ASB18: variants seen among roughly 807,000 people sequenced by gnomAD.
ASB18 encodes ankyrin repeat and SOCS box protein 18.
A neutral mutation model predicts 33.4 loss-of-function variants in ASB18; 33 were observed. The observed-to-expected ratio is 0.99, with a 90% confidence interval of 0.75 to 1.32. ASB18 has a LOEUF of 1.32. Among genes scored for constraint, ASB18 ranks in the 40% most tolerant of loss-of-function variants. ASB18 has a pLI of 0.00. For synonymous variants in ASB18, 295 were observed against 307.6 expected, an observed-to-expected ratio of 0.96 and a Z score of 0.43; for missense variants, 694 against 655.5, an observed-to-expected ratio of 1.06 and a Z score of -0.64.
Position 236,262,657 on chromosome 2 carries a change from T to TC in ASB18, c.205+1483dup, listed in dbSNP as rs1415977384. On this transcript the variant is annotated intron_variant, in intron 1 of 5. Transcript: ENST00000409749. The surrounding 1 kb of genome is among the most constrained non-coding windows in gnomAD (Gnocchi z 5.2). ...GAATGCAAGATGTACAGCTCAGCAC[T>TC]CCCAGTCCAATCACTGCTTGTGATG... Among the ~76,000 whole-genome samples the TC allele has an allele frequency of 6.6e-6, 1 of 152,050 alleles. No homozygotes were observed. The highest frequency in any genetic ancestry group is 1.5e-5 in the Non-Finnish European group (1 of 68,014).
chr2:236,193,878 C>T lies in ASB18; in HGVS notation c.*994G>A. Among the ~76,000 whole-genome samples the T allele has an allele frequency of 6.6e-6, 1 of 152,102 alleles. No individual in the cohort carries two copies. Among genetic ancestry groups the T allele is most frequent in the East Asian group, 1.9e-4 (1 of 5,198 alleles). ...TCCAGTTCCCACCCACATCCCAAAGCTGAGCAAGTGAGGTGAGCTGTCGTG... is the reference window on the plus strand; with the variant it reads ...TCCAGTTCCCACCCACATCCCAAAGTTGAGCAAGTGAGGTGAGCTGTCGTG... On this transcript the variant is annotated 3_prime_UTR_variant, in exon 6 of 6. Coordinates refer to ENST00000409749, the MANE Select transcript of ASB18 (RefSeq NM_212556.4). This position sits in a 1 kb window ranked among gnomAD's most constrained non-coding sequence, Gnocchi z 5.0.
intron 1 of ASB18, among the ~76,000 whole-genome samples, chr2:236,261,439 C>T (rs551794545): frequency 6.6e-6 from 1 of 152,252 alleles, no homozygotes; most frequent in East Asian, 1.9e-4. Context: ...AGTGGCATAC[C>T]CCAAATGAAC....
At chr2:236,258,955 C>A (rs924402608) in intron 1 of ASB18, among the ~76,000 whole-genome samples, 1 of 152,164 alleles carries the variant, frequency 6.6e-6, no homozygotes, top group African/African-American at 2.4e-5. Context: ...TGCTGACATC[C>A]TTAATAATAG....
chr2:236,223,919 T>C lies in ASB18; in HGVS notation c.597-9053A>G, dbSNP rs530498253. Reference sequence around the variant, plus strand: ...GATATACCACAATTTTAAGCCATTTTCCCATTGATATTGATGGACATTTGC... The same window carrying C: ...GATATACCACAATTTTAAGCCATTTCCCCATTGATATTGATGGACATTTGC... On this transcript the variant is annotated intron_variant, in intron 3 of 5. Transcript: ENST00000409749. This position sits in a 1 kb window ranked among gnomAD's most constrained non-coding sequence, Gnocchi z 4.6. Among the ~76,000 whole-genome samples, 1 of 152,338 alleles carries C rather than the reference T, an allele frequency of 6.6e-6. No homozygotes were observed. Among genetic ancestry groups the C allele is most frequent in the African/African-American group, 2.4e-5 (1 of 41,582 alleles).
chr2:236,224,863 A>AT (rs2060530084), intron 3 of ASB18, among the ~76,000 whole-genome samples: 2 of 152,204 alleles, frequency 1.3e-5, no homozygotes, highest in Non-Finnish European at 1.5e-5. Flanking sequence ...CTGAGATCTC[A>AT]TTCTTCAGTA....
At chr2:236,242,587 T>C (rs2060625927) in intron 1 of ASB18, among the ~76,000 whole-genome samples, 1 of 152,192 alleles carries the variant, frequency 6.6e-6, no homozygotes, top group South Asian at 2.1e-4. Context: ...CCTGTGTAGC[T>C]GAGATTACAG....
chr2:236,197,072 G>GC (rs139016148), intron 4 of ASB18, among the ~76,000 whole-genome samples: 51 of 55,518 alleles, frequency 9.2e-4, no homozygotes, highest in South Asian at 2.8e-3. Flanking sequence ...ATGTATCCCC[G>GC]CCCCCCCCAT....
chr2:236,250,238 G>A lies in ASB18; in HGVS notation c.206-8836C>T, dbSNP rs886566219. On this transcript the variant is annotated intron_variant, in intron 1 of 5. Transcript: ENST00000409749. The surrounding 1 kb of genome is among the most constrained non-coding windows in gnomAD (Gnocchi z 4.1). ...TCCAAGGATTAATCCAGCTGAGGCT[G>A]AAACCTGGAGCTGGTGGGCTTTGTG... is the stretch of plus-strand genomic sequence containing the variant. 6.6e-6 allele frequency: 1 copy of A among 152,242 alleles called. No homozygotes were observed. Among genetic ancestry groups the A allele is most frequent in the Admixed American group, 6.5e-5 (1 of 15,286 alleles). The allele number at this position is 152,242 out of a possible 1,614,324, so 9.4% of individuals were successfully genotyped here. A position where few individuals can be genotyped will look rare whatever the true frequency, so the allele number is the denominator to read the frequency against.
At position 236,239,488 on chromosome 2, in the gene ASB18, G is replaced by A. The variant is rs1027211240; in HGVS notation, c.329-1532C>T. Reference sequence around the variant, plus strand: ...CTGGTCCCAGTTCTGCCACCAGGAGGGACGTGAATTAAGGCTCAGGAAGCC... The same window carrying A: ...CTGGTCCCAGTTCTGCCACCAGGAGAGACGTGAATTAAGGCTCAGGAAGCC... On this transcript the variant is annotated intron_variant, in intron 2 of 5. Transcript: ENST00000409749. This position sits in a 1 kb window ranked among gnomAD's most constrained non-coding sequence, Gnocchi z 5.6. Among the ~76,000 whole-genome samples, 4 of 149,010 alleles carry A rather than the reference G, an allele frequency of 2.7e-5. No individual in the cohort carries two copies. The highest frequency in any genetic ancestry group is 2.7e-4 in the Admixed American group (4 of 14,940).
At position 236,244,122 on chromosome 2, in the gene ASB18, G is replaced by A. The variant is rs971040004; in HGVS notation, c.206-2720C>T. Among the ~76,000 whole-genome samples, 12 of 152,164 alleles carry A rather than the reference G, an allele frequency of 7.9e-5. No homozygotes were observed. The highest frequency in any genetic ancestry group is 2.1e-4 in the South Asian group (1 of 4,826). On this transcript the variant is annotated intron_variant, in intron 1 of 5. Coordinates refer to ENST00000409749, the MANE Select transcript of ASB18 (RefSeq NM_212556.4). The surrounding 1 kb of genome is among the most constrained non-coding windows in gnomAD (Gnocchi z 6.1). ...ATTACAGGTGTGAGCCACCGTGCCC[G>A]GCCTGTTTTTCTTTCTTTCTTTCAA...
chr2:236,218,118 C>T (rs535532377), intron 3 of ASB18, among the ~76,000 whole-genome samples: 5 of 152,188 alleles, frequency 3.3e-5, no homozygotes, highest in Non-Finnish European at 7.3e-5. Flanking sequence ...GGCTTTTCCA[C>T]GTGCACAGCC....
Position 236,217,628 on chromosome 2 carries a change from C to T in ASB18, c.597-2762G>A, listed in dbSNP as rs1382765801. On this transcript the variant is annotated intron_variant, in intron 3 of 5. Coordinates refer to ENST00000409749, the MANE Select transcript of ASB18 (RefSeq NM_212556.4). The surrounding 1 kb of genome is among the most constrained non-coding windows in gnomAD (Gnocchi z 5.2). Reference sequence around the variant, plus strand: ...CTACTATATTAACCTAACTGGGGCTCTGAACAAGATCATCCATTGAGGGTT... The same window carrying T: ...CTACTATATTAACCTAACTGGGGCTTTGAACAAGATCATCCATTGAGGGTT... Among the ~76,000 whole-genome samples, 1 of 152,170 alleles carries T rather than the reference C, an allele frequency of 6.6e-6. No homozygotes were observed. Among genetic ancestry groups the T allele is most frequent in the Non-Finnish European group, 1.5e-5 (1 of 68,032 alleles).
intron 3 of ASB18, among the ~76,000 whole-genome samples, chr2:236,233,889 G>A (rs1226494249): frequency 6.6e-6 from 1 of 152,182 alleles, no homozygotes; most frequent in Non-Finnish European, 1.5e-5. Flanking sequence ...AGAAATGGAT[G>A]AACTGAATCT....
intron 4 of ASB18, among the ~76,000 whole-genome samples, chr2:236,198,261 C>G (rs1365040574): frequency 6.6e-6 from 1 of 152,108 alleles, no homozygotes; most frequent in Non-Finnish European, 1.5e-5. Context: ...TGTGTTTAGA[C>G]AGAAAATTAA....
chr2:236,203,322 A>G lies in ASB18; in HGVS notation c.1102-6937T>C, dbSNP rs1056590528. Among the ~76,000 whole-genome samples the G allele has an allele frequency of 1.3e-5, 2 of 152,182 alleles. No individual in the cohort carries two copies. Among genetic ancestry groups the G allele is most frequent in the Admixed American group, 6.5e-5 (1 of 15,278 alleles). ...GAGCAGGAGTTAGCAGGGGGAAAAA[A>G]AGGCATGGAGAGTTCTGGGGACAAG... On this transcript the variant is annotated intron_variant, in intron 4 of 5. Coordinates refer to ENST00000409749, the MANE Select transcript of ASB18 (RefSeq NM_212556.4). The surrounding 1 kb of genome is among the most constrained non-coding windows in gnomAD (Gnocchi z 6.0).
Position 236,194,286 on chromosome 2 carries a change from G to A in ASB18, c.*586C>T, listed in dbSNP as rs1447326067. Among the ~76,000 whole-genome samples the A allele has an allele frequency of 6.6e-6, 1 of 152,088 alleles. No homozygotes were observed. The highest frequency in any genetic ancestry group is 1.9e-4 in the East Asian group (1 of 5,184). ...TATTCCTTGATCTAACCCACCAGCA[G>A]GACAACCACCATCACATACTGATTC... On this transcript the variant is annotated 3_prime_UTR_variant, in exon 6 of 6. Coordinates refer to ENST00000409749, the MANE Select transcript of ASB18 (RefSeq NM_212556.4). This position sits in a 1 kb window ranked among gnomAD's most constrained non-coding sequence, Gnocchi z 4.5.
In ASB18 at chr2:236,238,363, A is replaced by G. The variant is rs1225818081; in HGVS notation, c.329-407T>C. Among the ~76,000 whole-genome samples the G allele has an allele frequency of 6.6e-6, 1 of 152,154 alleles. No individual in the cohort carries two copies. The highest frequency in any genetic ancestry group is 1.5e-5 in the Non-Finnish European group (1 of 68,034). ...AGGCCCTGAGTTAGGGCAGCTTGAA[A>G]GAGGAAAGTGGGTTGTGGAATTTTC... On this transcript the variant is annotated intron_variant, in intron 2 of 5. Coordinates refer to ENST00000409749, the MANE Select transcript of ASB18 (RefSeq NM_212556.4). The surrounding 1 kb of genome is among the most constrained non-coding windows in gnomAD (Gnocchi z 5.2).
rs1471386484 is a variant in ASB18, at chr2:236,196,401, G to GA, written c.1102-17dup. 17 of 1,464,634 alleles carry GA rather than the reference G, an allele frequency of 1.2e-5. No homozygotes were observed. The highest frequency in any genetic ancestry group is 2.8e-5 in the African/African-American group (2 of 71,160). The allele number at this position is 1,464,634 out of a possible 1,614,324, so 90.7% of individuals were successfully genotyped here. On this transcript the variant is annotated splice_polypyrimidine_tract_variant and intron_variant, in intron 4 of 5. Transcript: ENST00000409749. This position sits in a 1 kb window ranked among gnomAD's most constrained non-coding sequence, Gnocchi z 5.6. Reference sequence around the variant, plus strand: ...TCTTCAGCACCTGGTGGGAAGAGGTGAAAGACGCAGCGTAGGCCGACTGGG... The same window carrying GA: ...TCTTCAGCACCTGGTGGGAAGAGGTGAAAAGACGCAGCGTAGGCCGACTGGG...
rs2106274887 is a variant in ASB18 at position 236,228,391 on chromosome 2, A to G, written c.596+9298T>C. Among the ~76,000 whole-genome samples the G allele has an allele frequency of 6.6e-6, 1 of 152,292 alleles. No individual in the cohort carries two copies. Among genetic ancestry groups the G allele is most frequent in the African/African-American group, 2.4e-5 (1 of 41,550 alleles). On this transcript the variant is annotated intron_variant, in intron 3 of 5. Coordinates refer to ENST00000409749, the MANE Select transcript of ASB18 (RefSeq NM_212556.4). The surrounding 1 kb of genome is among the most constrained non-coding windows in gnomAD (Gnocchi z 5.1). ...GCACTGGAAGTCTAGGGATGCCAGG[A>G]CAGCTGGAGTTTGTAGGGTAGGGTG... is the stretch of plus-strand genomic sequence containing the variant.
Sources: gnomAD v4.1 joint callset for allele counts (sites outside exome capture counted in the v4.1 genomes callset) on GRCh38, gnomAD v4.1.1 for gene constraint, Gnocchi (gnomAD v3.1) non-coding constraint, MANE v1.5 for transcripts, NCBI Gene and HGNC (gene_info 2026-07-23, HGNC 2026-07-21) for gene names.